FNIP2: variants seen among roughly 807,000 people sequenced by gnomAD.
The protein encoded by FNIP2 is folliculin interacting protein 2.
FNIP2 carries 32 observed loss-of-function variants against 108.7 expected under a neutral mutation model. The observed-to-expected ratio is 0.29, with a 90% confidence interval of 0.22 to 0.40. The LOEUF is 0.40. Ranked by LOEUF, FNIP2 falls within the 10% of genes least tolerant of loss-of-function variation. The pLI, the probability that FNIP2 is intolerant of heterozygous loss-of-function variation, is 1.00. For missense variants in FNIP2, 1,202 were observed against 1,381.6 expected, an observed-to-expected ratio of 0.87 and a Z score of 2.06; for synonymous variants, 480 against 496.7, an observed-to-expected ratio of 0.97 and a Z score of 0.45.
At chr4:158,901,065 A>C (rs572307595) in intron 16 of FNIP2, among the ~76,000 whole-genome samples, 1 of 151,660 alleles carries the variant, frequency 6.6e-6, no homozygotes, top group East Asian at 1.9e-4. Context: ...TTGTCTGTAA[A>C]GGATTTTATT....
At chr4:158,856,725 T>C (rs1343524621) in intron 8 of FNIP2, among the ~76,000 whole-genome samples, 1 of 152,234 alleles carries the variant, frequency 6.6e-6, no homozygotes, top group Non-Finnish European at 1.5e-5. Flanking sequence ...AGAACCTTTC[T>C]GTTCCTGAGG....
At chr4:158,834,288 T>TGCTCTCTCTCTCTCTCTCTC (rs1553959295) in intron 6 of FNIP2, 1 of 63,220 alleles carries the variant, frequency 1.6e-5, no homozygotes, top group African/African-American at 5.9e-5. Flanking sequence ...CATGGAAGAC[T>TGCTCTCTCTCTCTCTCTCTC]TCTCTCTCTC....
At chr4:158,850,221 AT>A (rs1355787950) in intron 7 of FNIP2, among the ~76,000 whole-genome samples, 1 of 152,164 alleles carries the variant, frequency 6.6e-6, no homozygotes, top group Non-Finnish European at 1.5e-5. Context: ...ACCAAAATCA[AT>A]TTCCTTTGCC....
At chr4:158,857,780 CAAAAAAA>C (rs35070873) in intron 8 of FNIP2, among the ~76,000 whole-genome samples, 38 of 137,102 alleles carry the variant, frequency 2.8e-4, no homozygotes, top group Middle Eastern at 3.7e-3. Context: ...CCATCTCTAC[CAAAAAAA>C]AAAAAAAAAA....
chr4:158,904,706 T>C lies in FNIP2; in HGVS notation c.*162T>C. The C allele has an allele frequency of 3.2e-6, 2 of 630,062 alleles. No homozygotes were observed. The highest frequency in any genetic ancestry group is 5.5e-6 in the Non-Finnish European group (2 of 360,376). 39.0% of individuals were successfully genotyped at this position (630,062 alleles called of 1,614,324 possible). ...TTTTTGCTGTCAAGCTGATGCTTCA[T>C]TGAAGACTTAGGTTTACTTGACATA... On this transcript the variant is annotated 3_prime_UTR_variant, in exon 17 of 17. Coordinates refer to ENST00000264433, the MANE Select transcript of FNIP2 (RefSeq NM_020840.3).
In FNIP2 at chr4:158,870,296, GC is replaced by G. The variant is rs777967607; in HGVS notation, c.2793-15del. Reference sequence around the variant, plus strand: ...CATTTTTAGCTGTGCATTTTAATGGGCCACATGTTGTTTTAGGTCTCAGAGC... The same window carrying G: ...CATTTTTAGCTGTGCATTTTAATGGGCACATGTTGTTTTAGGTCTCAGAGC... On this transcript the variant is annotated splice_polypyrimidine_tract_variant and intron_variant, in intron 13 of 16. Coordinates refer to ENST00000264433, the MANE Select transcript of FNIP2 (RefSeq NM_020840.3). The G allele has an allele frequency of 1.2e-5, 20 of 1,609,526 alleles. No individual in the cohort carries two copies. The South Asian group carries it at 1.9e-4, about 15-fold the overall frequency.
intron 16 of FNIP2, among the ~76,000 whole-genome samples, chr4:158,900,653 C>T (rs572424224): frequency 3.3e-5 from 5 of 152,300 alleles, no homozygotes; most frequent in East Asian, 3.9e-4. Context: ...ACTAGGACTA[C>T]AACCCCTACT....
In FNIP2 at chr4:158,879,379, C is replaced by T. The variant is rs750417929; in HGVS notation, c.2949+8910C>T. On this transcript the variant is annotated intron_variant, in intron 14 of 16. Coordinates refer to ENST00000264433, the MANE Select transcript of FNIP2 (RefSeq NM_020840.3). ...AGGAGGCCAGGGTGCTGAGAACGTG[C>T]GCACAAGGCGGCTGTGGTGAGGACT... Among the ~76,000 whole-genome samples the T allele has an allele frequency of 4.7e-5, 7 of 150,460 alleles. 1 individual carries two copies. Among genetic ancestry groups the T allele is most frequent in the African/African-American group, 1.2e-4 (5 of 40,396 alleles).
intron 14 of FNIP2, among the ~76,000 whole-genome samples, chr4:158,890,998 T>A (rs1300860561): frequency 6.6e-6 from 1 of 152,104 alleles, no homozygotes; most frequent in Non-Finnish European, 1.5e-5. Flanking sequence ...AAAGGAAAAT[T>A]CGGATGGATT....
intron 7 of FNIP2, among the ~76,000 whole-genome samples, chr4:158,846,814 C>A (rs577075513): frequency 2.5e-4 from 38 of 152,198 alleles, no homozygotes; most frequent in South Asian, 6.2e-4. Context: ...TCCACACACA[C>A]AAAAAAATAA....
chr4:158,874,844 C>T (rs1309838916), intron 14 of FNIP2, among the ~76,000 whole-genome samples: 9 of 151,448 alleles, frequency 5.9e-5, no homozygotes, highest in Non-Finnish European at 1.2e-4. Flanking sequence ...TTTGGGAGGC[C>T]GAGGTGGGCT....
At chr4:158,831,022 G>A (rs547099095) in intron 3 of FNIP2, among the ~76,000 whole-genome samples, 35 of 152,196 alleles carry the variant, frequency 2.3e-4, no homozygotes, top group Non-Finnish European at 3.5e-4. Flanking sequence ...TAGTTGAAAA[G>A]GCGGGCAGTT....
intron 1 of FNIP2, among the ~76,000 whole-genome samples, chr4:158,799,376 T>A (rs879337608): frequency 2.0e-5 from 3 of 152,228 alleles, no homozygotes; most frequent in African/African-American, 7.2e-5. Flanking sequence ...ATAATTTTAG[T>A]CCTGATGTGG....
At chr4:158,825,032 T>G (rs556029134) in intron 1 of FNIP2, among the ~76,000 whole-genome samples, 2 of 152,282 alleles carry the variant, frequency 1.3e-5, no homozygotes, top group East Asian at 3.9e-4. Flanking sequence ...TGCCTAACAT[T>G]CCCCACTGAA....
intron 1 of FNIP2, among the ~76,000 whole-genome samples, chr4:158,778,080 C>G (rs535546869): frequency 6.6e-6 from 1 of 152,214 alleles, no homozygotes; most frequent in Admixed American, 6.5e-5. Context: ...ATGTATAACA[C>G]TTAACCCAGT....
At chr4:158,824,198 T>TA (rs1288451486) in intron 1 of FNIP2, among the ~76,000 whole-genome samples, 1 of 152,246 alleles carries the variant, frequency 6.6e-6, no homozygotes, top group Non-Finnish European at 1.5e-5. Flanking sequence ...TTGGAGCACT[T>TA]ACTGTGTGTC....
At chr4:158,876,123 T>TA (rs1194827388) in intron 14 of FNIP2, among the ~76,000 whole-genome samples, 1 of 152,210 alleles carries the variant, frequency 6.6e-6, no homozygotes, top group African/African-American at 2.4e-5. Context: ...TTAAAAAAAA[T>TA]ACTGATCTCT....
Position 158,806,053 on chromosome 4 carries a change from T to A in FNIP2, c.108-19863T>A, listed in dbSNP as rs1397979653. The A allele has an allele frequency of 1.6e-4, 137 of 879,056 alleles. 2 individuals carry two copies. The highest frequency in any genetic ancestry group is 1.8e-4 in the Non-Finnish European group (127 of 716,102). 54.5% of individuals were successfully genotyped at this position (879,056 alleles called of 1,614,324 possible). The stretch of plus-strand genomic sequence containing the variant: ...TGAATGTTCCACCTTTTTTTTTTTT[T>A]AAACCTTTGAAAGGGGAAATTAGTA... On this transcript the variant is annotated intron_variant, in intron 1 of 16. Transcript: ENST00000264433.
chr4:158,904,205 A>G (rs1020793964), intron 16 of FNIP2, among the ~76,000 whole-genome samples: 4 of 152,196 alleles, frequency 2.6e-5, no homozygotes, highest in African/African-American at 9.6e-5. Context: ...GCCAAGGGAA[A>G]AAGAGCTTTA....
Sources: gnomAD v4.1 joint callset for allele counts (sites outside exome capture counted in the v4.1 genomes callset) on GRCh38, gnomAD v4.1.1 for gene constraint, MANE v1.5 for transcripts, NCBI Gene and HGNC (gene_info 2026-07-23, HGNC 2026-07-21) for gene names.